The following ATRNL1 variants were observed in gnomAD, a reference collection of about 807,000 sequenced individuals.
ATRNL1 encodes attractin like 1.
ATRNL1 carries 95 observed loss-of-function variants against 182.7 expected under a neutral mutation model. That is an observed-to-expected ratio of 0.52 (90% confidence interval 0.44 to 0.62). ATRNL1 has a LOEUF of 0.62. ATRNL1 is among the 20% of genes least tolerant of loss of function. ATRNL1 has a pLI of 0.00. For synonymous variants in ATRNL1, 576 were observed against 568.3 expected (o/e 1.01, Z -0.19); for missense variants, 1,471 against 1,679.5 (o/e 0.88, Z 2.17).
chr10:115,200,638 T>C (rs1848532943), intron 8 of ATRNL1, among the ~76,000 whole-genome samples: 1 of 139,520 alleles, frequency 7.2e-6, no homozygotes, highest in African/African-American at 2.7e-5. Flanking sequence ...TGTTGGACAT[T>C]TGGGTTGGTT....
chr10:115,728,099 C>T (rs1313270921), intron 27 of ATRNL1, among the ~76,000 whole-genome samples: 1 of 134,388 alleles, frequency 7.4e-6, no homozygotes, highest in East Asian at 2.1e-4. Flanking sequence ...CATGGTGAAA[C>T]CCCGTCTCTA....
chr10:115,658,749 G>C (rs956690243), intron 26 of ATRNL1, among the ~76,000 whole-genome samples: 17 of 152,086 alleles, frequency 1.1e-4, no homozygotes, highest in Non-Finnish European at 2.4e-4. Context: ...TGTAAGGTCA[G>C]AGTTTTTCTC....
At position 115,317,310 on chromosome 10, in the gene ATRNL1, C is replaced by T. The variant is rs142337632; in HGVS notation, c.3037+1574C>T. ...GTTACTGTAGTCTTGTAGTATAGTT[C>T]GAAGTCAGGTAGCATGATGTCTCCA... On this transcript the variant is annotated intron_variant, in intron 18 of 28. Transcript: ENST00000355044. Among the ~76,000 whole-genome samples the T allele has an allele frequency of 8.4e-3, 1,278 of 152,046 alleles. 13 individuals carry two copies. Among genetic ancestry groups the T allele is most frequent in the African/African-American group, 0.028 (1,148 of 41,528 alleles).
At chr10:115,145,033 T>G (rs1363260254) in intron 5 of ATRNL1, among the ~76,000 whole-genome samples, 2 of 152,184 alleles carry the variant, frequency 1.3e-5, no homozygotes, top group Non-Finnish European at 2.9e-5. Context: ...CTAGAAGAAA[T>G]TTTGACATAC....
chr10:115,263,369 G>A (rs782035168), intron 10 of ATRNL1, among the ~76,000 whole-genome samples: 18 of 151,778 alleles, frequency 1.2e-4, no homozygotes, highest in Non-Finnish European at 2.4e-4. Flanking sequence ...TGACGAGGAT[G>A]TGGAGACATA....
chr10:115,775,602 G>A (rs1949102955), intron 27 of ATRNL1, among the ~76,000 whole-genome samples: 2 of 152,078 alleles, frequency 1.3e-5, no homozygotes, highest in South Asian at 4.1e-4. Context: ...TAAATCTTAA[G>A]GAGTCAGTGC....
intron 26 of ATRNL1, among the ~76,000 whole-genome samples, chr10:115,583,068 T>A (rs1414319957): frequency 2.7e-5 from 4 of 150,444 alleles, no homozygotes; most frequent in African/African-American, 2.4e-5. Context: ...ATATGTGGCA[T>A]TATTTCTGAG....
intron 26 of ATRNL1, among the ~76,000 whole-genome samples, chr10:115,563,773 CAATA>C (rs1555000564): frequency 2.6e-5 from 4 of 151,972 alleles, no homozygotes; most frequent in African/African-American, 7.3e-5. Flanking sequence ...TTGGCTTTCA[CAATA>C]ATTCAACCAC....
intron 26 of ATRNL1, among the ~76,000 whole-genome samples, chr10:115,694,285 T>G (rs1231922636): frequency 2.0e-5 from 3 of 151,868 alleles, no homozygotes; most frequent in Non-Finnish European, 4.4e-5. Flanking sequence ...TTTATAGTAA[T>G]AAATTACTGA....
At chr10:115,252,323 A>G (rs782564430) in intron 10 of ATRNL1, among the ~76,000 whole-genome samples, 1 of 152,080 alleles carries the variant, frequency 6.6e-6, no homozygotes, top group Non-Finnish European at 1.5e-5. Context: ...CACCGTGACC[A>G]GCGAAGGTCT....
intron 21 of ATRNL1, among the ~76,000 whole-genome samples, chr10:115,429,961 C>T (rs1235930181): frequency 1.3e-5 from 2 of 152,140 alleles, no homozygotes; most frequent in African/African-American, 2.4e-5. Context: ...GTCCCAGCTA[C>T]TCCGGAGACT....
chr10:115,426,317 A>G lies in ATRNL1; in HGVS notation c.3322+15A>G, dbSNP rs948530705. The G allele has an allele frequency of 6.3e-7, 1 of 1,577,712 alleles. No individual in the cohort carries two copies. On this transcript the variant is annotated intron_variant, in intron 21 of 28. Transcript: ENST00000355044. ...AACATGTTATTGTAAGTATATGTGT[A>G]TTCTTCATTTTAAATAATTGGTGCA...
At chr10:115,455,013 A>G (rs1847454285) in intron 21 of ATRNL1, among the ~76,000 whole-genome samples, 2 of 152,260 alleles carry the variant, frequency 1.3e-5, no homozygotes, top group South Asian at 4.1e-4. Flanking sequence ...TTATCATTGC[A>G]TATGGTATTA....
At chr10:115,559,443 T>TGTGCGCGCGCGC (rs200694810) in intron 26 of ATRNL1, among the ~76,000 whole-genome samples, 10 of 77,864 alleles carry the variant, frequency 1.3e-4, no homozygotes, top group East Asian at 1.1e-3. Flanking sequence ...TGTGTGTGTG[T>TGTGCGCGCGCGC]GCGCGCGCGC....
intron 28 of ATRNL1, among the ~76,000 whole-genome samples, chr10:115,929,744 A>G (rs1393316040): frequency 1.3e-5 from 2 of 152,202 alleles, no homozygotes; most frequent in Non-Finnish European, 1.5e-5. Context: ...TGATTAGGCT[A>G]CATTATGGGA....
chr10:115,665,815 A>G (rs930286497), intron 26 of ATRNL1, among the ~76,000 whole-genome samples: 2 of 152,100 alleles, frequency 1.3e-5, no homozygotes, highest in African/African-American at 4.8e-5. Flanking sequence ...GCCTCACCCT[A>G]TGACTAGGAC....
At chr10:115,928,927 A>C (rs1422317677) in intron 28 of ATRNL1, among the ~76,000 whole-genome samples, 2 of 151,954 alleles carry the variant, frequency 1.3e-5, no homozygotes, top group African/African-American at 4.8e-5. Flanking sequence ...TACTTTTAAG[A>C]TTATTTAAAT....
At position 115,139,566 on chromosome 10, in the gene ATRNL1, C is replaced by G. The variant is rs553902319; in HGVS notation, c.829+10031C>G. 2.0e-5 allele frequency among the ~76,000 whole-genome samples: 3 copies of G among 152,268 alleles called. No individual in the cohort carries two copies. The South Asian group carries it at 6.2e-4, about 32-fold the overall frequency. On this transcript the variant is annotated intron_variant, in intron 5 of 28. Transcript: ENST00000355044. ...ATCTTGTGAGACTTACTTGCTATCACGAGAAGAGCACAGGAAAGACCTACC... is the reference window on the plus strand; with the variant it reads ...ATCTTGTGAGACTTACTTGCTATCAGGAGAAGAGCACAGGAAAGACCTACC...
chr10:115,383,395 G>C (rs916059435), intron 19 of ATRNL1, among the ~76,000 whole-genome samples: 4 of 151,756 alleles, frequency 2.6e-5, no homozygotes, highest in Non-Finnish European at 4.4e-5. Flanking sequence ...TTGTGGGTCT[G>C]TATGGTTTGT....
Sources: gnomAD v4.1 joint callset for allele counts (sites outside exome capture counted in the v4.1 genomes callset) on GRCh38, gnomAD v4.1.1 for gene constraint, MANE v1.5 for transcripts, NCBI Gene and HGNC (gene_info 2026-07-23, HGNC 2026-07-21) for gene names.